ABCA1: variants seen among roughly 807,000 people sequenced by gnomAD.
ABCA1 encodes the protein phospholipid-transporting ATPase ABCA1.
ABCA1 carries 133 observed loss-of-function variants against 262.5 expected under a neutral mutation model. That is an observed-to-expected ratio of 0.51 (90% confidence interval 0.44 to 0.59). ABCA1 has a LOEUF of 0.59. ABCA1 is among the 20% of genes least tolerant of loss of function. ABCA1 has a pLI of 0.00. For missense variants in ABCA1, 2,452 were observed against 2,777.5 expected (o/e 0.88, Z 2.63); for synonymous variants, 1,022 against 1,043.5 (o/e 0.98, Z 0.40).
At chr9:104,882,484 G>C (rs778173915) in intron 5 of ABCA1, among the ~76,000 whole-genome samples, 2 of 152,142 alleles carry the variant, frequency 1.3e-5, no homozygotes, top group South Asian at 4.1e-4. Flanking sequence ...ATACCTCCTG[G>C]GTGGCACACA....
intron 8 of ABCA1, among the ~76,000 whole-genome samples, chr9:104,840,792 A>T (rs992375425): frequency 3.3e-5 from 5 of 152,184 alleles, no homozygotes; most frequent in Non-Finnish European, 5.9e-5. Context: ...CGACCTGCAG[A>T]ATTCAAATCT....
chr9:104,835,438 C>A (rs1833734956), intron 11 of ABCA1, among the ~76,000 whole-genome samples: 2 of 152,088 alleles, frequency 1.3e-5, no homozygotes, highest in African/African-American at 4.8e-5. Flanking sequence ...GAAATCGAGA[C>A]TCACTTTGAT....
At chr9:104,880,331 T>C (rs1312100229) in intron 5 of ABCA1, among the ~76,000 whole-genome samples, 1 of 152,050 alleles carries the variant, frequency 6.6e-6, no homozygotes, top group African/African-American at 2.4e-5. Flanking sequence ...ACAAGAGTGC[T>C]ATTCGCAATC....
At chr9:104,858,770 C>A in intron 6 of ABCA1, 72 bp from the exon 7 acceptor site, 2 of 1,494,750 alleles carry the variant, frequency 1.3e-6, no homozygotes, top group South Asian at 1.1e-5. Context: ...TCCTTGAAGT[C>A]TTTTGGAGAA....
At chr9:104,920,110 A>G (rs1038512503) in intron 1 of ABCA1, among the ~76,000 whole-genome samples, 7 of 152,202 alleles carry the variant, frequency 4.6e-5, no homozygotes, top group African/African-American at 1.2e-4. Flanking sequence ...TTTACAGACC[A>G]ACAACCTAAA....
intron 5 of ABCA1, among the ~76,000 whole-genome samples, chr9:104,875,733 G>A (rs537285399): frequency 6.6e-6 from 1 of 152,234 alleles, no homozygotes; most frequent in Admixed American, 6.5e-5. Context: ...AGTCCTCACT[G>A]GAGAAGGCAA....
At chr9:104,862,646 G>GCACCCGCACCC (rs1564197987) in intron 5 of ABCA1, among the ~76,000 whole-genome samples, 1 of 2,906 alleles carries the variant, frequency 3.4e-4, no homozygotes, top group African/African-American at 1.6e-3. Context: ...GGCCGGGCCG[G>GCACCCGCACCC]GCCGGGCCGG....
intron 5 of ABCA1, among the ~76,000 whole-genome samples, chr9:104,865,244 G>T (rs1033576534): frequency 4.6e-5 from 7 of 152,232 alleles, no homozygotes; most frequent in Admixed American, 4.6e-4. Context: ...AATGAGAACT[G>T]CTAGGGTAAG....
rs1832648141 is a variant in ABCA1 at position 104,824,455 on chromosome 9, C to T, written c.2656+10G>A. The T allele has an allele frequency of 6.2e-7, 1 of 1,613,976 alleles. No individual in the cohort carries two copies. On this transcript the variant is annotated intron_variant, in intron 18 of 49. Coordinates refer to ENST00000374736, the MANE Select transcript of ABCA1 (RefSeq NM_005502.4). ...GGTTAAAGAAAGAGCAGGAGGTCAA[C>T]AGCACTTACTTTCTGATATTCTCTT...
intron 7 of ABCA1, among the ~76,000 whole-genome samples, chr9:104,852,262 T>G (rs926355830): frequency 1.3e-5 from 2 of 152,238 alleles, no homozygotes; most frequent in Non-Finnish European, 1.5e-5. Context: ...CCAGGAGTAA[T>G]TGCTATCTCT....
chr9:104,891,309 A>G (rs984028404), intron 2 of ABCA1, among the ~76,000 whole-genome samples: 24 of 152,322 alleles, frequency 1.6e-4, no homozygotes, highest in African/African-American at 5.8e-4. Context: ...TCATGCCTGT[A>G]ATCACTTTGT....
intron 1 of ABCA1, among the ~76,000 whole-genome samples, chr9:104,926,128 G>A (rs764963259): frequency 6.6e-6 from 1 of 152,064 alleles, no homozygotes; most frequent in Non-Finnish European, 1.5e-5. Flanking sequence ...CAAGTGACTT[G>A]CTGATTTCAG....
chr9:104,837,632 G>T lies in ABCA1; in HGVS notation c.1055-65C>A, dbSNP rs1833942300. Reference sequence around the variant, plus strand: ...CATATACTGATAGAAACTTACAAGGGCTTTGGAGCCAGAGAGTTCTTAGTT... The same window carrying T: ...CATATACTGATAGAAACTTACAAGGTCTTTGGAGCCAGAGAGTTCTTAGTT... On this transcript the variant is annotated intron_variant, in intron 9 of 49. Coordinates refer to ENST00000374736, the MANE Select transcript of ABCA1 (RefSeq NM_005502.4). 3 of 1,591,566 alleles carry T rather than the reference G, an allele frequency of 1.9e-6. No homozygotes were observed. In the South Asian group the frequency reaches 3.3e-5, roughly 18 times the overall value.
chr9:104,822,782 T>A, intron 18 of ABCA1, 115 bp from the exon 19 acceptor site: 1 of 1,239,436 alleles, frequency 8.1e-7, no homozygotes, highest in Non-Finnish European at 1.2e-6. Context: ...ATGTCCACCC[T>A]GGTTTCTCAG....
In ABCA1 at chr9:104,786,362, T is replaced by C. The variant is rs1242275070; in HGVS notation, c.6337A>G (p.Arg2113Gly). 6.2e-7 allele frequency: 1 copy of C among 1,614,158 alleles called. No homozygotes were observed. The highest frequency in any genetic ancestry group is 1.7e-5 in the Admixed American group (1 of 60,024). ...CTTCCATTGACCATGATTGCCATCC[T>C]AGTGCAAAGAGCTTCACATTCTTCC... ...SMEECEALCT[R>G]MAIMVNGRFR... The change falls in exon 48 of 50, where the codon AGG becomes GGG. Residue 2113 changes from arginine to glycine, a missense_variant. Arg to Gly is a moderately radical substitution (Grantham distance 125, BLOSUM62 -2). Coordinates refer to ENST00000374736, the MANE Select transcript of ABCA1 (RefSeq NM_005502.4).
chr9:104,806,521 C>A, intron 30 of ABCA1, 91 bp from the exon 31 acceptor site: 2 of 1,262,436 alleles, frequency 1.6e-6, no homozygotes, highest in Non-Finnish European at 2.3e-6. Context: ...GTAACAACCA[C>A]AAACATGCAT....
At chr9:104,796,980 A>T (rs1829952182) in intron 37 of ABCA1, among the ~76,000 whole-genome samples, 1 of 152,264 alleles carries the variant, frequency 6.6e-6, no homozygotes, top group African/African-American at 2.4e-5. Flanking sequence ...CAGCTGGCAG[A>T]GCAAAGCACC....
At chr9:104,840,172 T>G (rs1002398601) in intron 9 of ABCA1, 107 bp downstream of exon 9, 2 of 1,585,868 alleles carry the variant, frequency 1.3e-6, no homozygotes, top group Non-Finnish European at 1.7e-6. Flanking sequence ...CAAATGGGCA[T>G]GTAGACATCT....
In ABCA1 at chr9:104,788,001, A is replaced by G. The variant is rs1829073498; in HGVS notation, c.6123T>C (p.Tyr2041=). The change falls in exon 46 of 50, where the codon TAT becomes TAC. Residue 2041 remains tyrosine (Y), a synonymous_variant. Transcript: ENST00000374736. ...TGTTGCCTCCACTATAGTTACCAGC[A>G]TATTTTTCTCCATACTTCACGAGGC... ...KLGLVKYGEK[Y]AGNYSGGNKR... is the part of the protein sequence containing the mutation. The G allele has an allele frequency of 1.9e-6, 3 of 1,614,032 alleles. No homozygotes were observed. Among genetic ancestry groups the G allele is most frequent in the African/African-American group, 1.3e-5 (1 of 74,914 alleles).
Sources: allele counts gnomAD v4.1 joint callset (sites outside exome capture counted in the v4.1 genomes callset), GRCh38; gene constraint gnomAD v4.1.1; transcripts MANE v1.5; gene names NCBI Gene and HGNC (gene_info 2026-07-23, HGNC 2026-07-21).